The following ARMC3 variants were observed in gnomAD, a reference collection of about 807,000 sequenced individuals.
ARMC3 encodes armadillo repeat-containing protein 3.
ARMC3 carries 74 observed loss-of-function variants against 90.3 expected under a neutral mutation model. That is an observed-to-expected ratio of 0.82 (90% CI 0.68 to 0.99). The LOEUF (loss-of-function observed/expected upper bound fraction) is 0.99, where lower values mean the gene tolerates loss of function less well. ARMC3 is among the 50% of genes least tolerant of loss of function. The pLI, the probability that ARMC3 is intolerant of heterozygous loss-of-function variation, is 0.00. For missense variants in ARMC3, 958 were observed against 1,042.8 expected (o/e 0.92, Z 1.12); for synonymous variants, 334 against 361.8 (o/e 0.92, Z 0.87).
At chr10:23,023,901 A>T (rs889765726) in intron 16 of ARMC3, among the ~76,000 whole-genome samples, 3 of 152,154 alleles carry the variant, frequency 2.0e-5, no homozygotes, top group Non-Finnish European at 4.4e-5. Context: ...GCAGTTCCAG[A>T]AGGAGAGGAG....
rs551029070 is a variant in ARMC3 at position 22,992,692 on chromosome 10, G to A, written c.1176-5456G>A. Among the ~76,000 whole-genome samples, 34 of 152,296 alleles carry A rather than the reference G, an allele frequency of 2.2e-4. 1 individual carries two copies. In the South Asian group the frequency reaches 7.1e-3, roughly 32 times the overall value. On this transcript the variant is annotated intron_variant, in intron 10 of 18. Transcript: ENST00000298032. ...TGTAGCTGTGGGGCTGTGGCGGGATGATCCTTGTTCTGGACTCAGAAATTG... is the reference window on the plus strand; with the variant it reads ...TGTAGCTGTGGGGCTGTGGCGGGATAATCCTTGTTCTGGACTCAGAAATTG...
chr10:22,998,021 A>T, intron 10 of ARMC3, 127 bp from the exon 11 acceptor site: 1 of 1,181,594 alleles, frequency 8.5e-7, no homozygotes, highest in Non-Finnish European at 1.2e-6. Flanking sequence ...GGTTCATTGC[A>T]TGGCAAATTA....
Position 23,037,990 on chromosome 10 carries a change from A to T in ARMC3, c.*511A>T, listed in dbSNP as rs548167000. On this transcript the variant is annotated 3_prime_UTR_variant, in exon 19 of 19. Coordinates refer to ENST00000298032, the MANE Select transcript of ARMC3 (RefSeq NM_173081.5). ...TGAGTGTTACAAATTCCTTTCTAAA[A>T]ATTTTTGTTTCTATTTTTAAAAATT... is the stretch of plus-strand genomic sequence containing the variant. The T allele has an allele frequency of 4.6e-5, 7 of 152,396 alleles. No homozygotes were observed. The highest frequency in any genetic ancestry group is 1.7e-4 in the African/African-American group (7 of 41,578). The allele number at this position is 152,396 out of a possible 1,614,324, so 9.4% of individuals were successfully genotyped here.
chr10:22,973,748 TCTTTC>T (rs1405115456), intron 8 of ARMC3, among the ~76,000 whole-genome samples: 8 of 140,136 alleles, frequency 5.7e-5, no homozygotes, highest in African/African-American at 1.4e-4. Context: ...TTTTTCTTTG[TCTTTC>T]TTTTTTTTTT....
intron 16 of ARMC3, among the ~76,000 whole-genome samples, chr10:23,027,613 G>A (rs1234742356): frequency 1.3e-5 from 2 of 152,144 alleles, no homozygotes; most frequent in Non-Finnish European, 2.9e-5. Context: ...TGATGTATCT[G>A]AGAGTAGATT....
intron 10 of ARMC3, among the ~76,000 whole-genome samples, chr10:22,989,801 C>T (rs1222308510): frequency 6.6e-6 from 1 of 152,192 alleles, no homozygotes; most frequent in Admixed American, 6.6e-5. Flanking sequence ...AGATTCCTCC[C>T]TGTCTGATGG....
chr10:22,928,229 TGTTA>T (rs1388150249), intron 1 of ARMC3, 123 bp downstream of exon 1: 2 of 152,224 alleles, frequency 1.3e-5, no homozygotes, highest in Admixed American at 6.5e-5. Flanking sequence ...TGCTGGGCGT[TGTTA>T]GTTTCTGCCT....
intron 7 of ARMC3, 52 bp from the exon 8 acceptor site, chr10:22,968,254 A>T: frequency 6.6e-7 from 1 of 1,524,126 alleles, no homozygotes; most frequent in Non-Finnish European, 9.1e-7. Context: ...CAAATTTGGG[A>T]AGTGTACATT....
At chr10:22,937,781 G>A (rs979027919) in intron 2 of ARMC3, among the ~76,000 whole-genome samples, 1 of 152,040 alleles carries the variant, frequency 6.6e-6, no homozygotes, top group Non-Finnish European at 1.5e-5. Context: ...AAGTTTCCAG[G>A]GGCACTTTAA....
intron 16 of ARMC3, among the ~76,000 whole-genome samples, chr10:23,024,153 G>A (rs772340305): frequency 2.2e-4 from 33 of 152,100 alleles, no homozygotes; most frequent in Non-Finnish European, 4.1e-4. Flanking sequence ...TGAAACTATA[G>A]AAGCCAGGTG....
intron 7 of ARMC3, among the ~76,000 whole-genome samples, chr10:22,963,893 A>T (rs1311601614): frequency 8.5e-5 from 2 of 23,458 alleles, no homozygotes; most frequent in African/African-American, 3.8e-4. Flanking sequence ...TGTCTCACAC[A>T]CACACACACA....
intron 16 of ARMC3, among the ~76,000 whole-genome samples, chr10:23,011,066 C>T (rs541917634): frequency 4.1e-4 from 61 of 150,588 alleles, no homozygotes; most frequent in Non-Finnish European, 1.2e-4. Context: ...ATTCCTTGTC[C>T]TTTTCTTTGT....
chr10:23,029,277 A>G (rs1353540121), intron 16 of ARMC3, among the ~76,000 whole-genome samples: 1 of 152,158 alleles, frequency 6.6e-6, no homozygotes, highest in Non-Finnish European at 1.5e-5. Flanking sequence ...GGAATTATGG[A>G]ATTCAATAGA....
At chr10:23,007,058 T>TA in intron 14 of ARMC3, 77 bp downstream of exon 14, 1 of 1,211,166 alleles carries the variant, frequency 8.3e-7, no homozygotes, top group Non-Finnish European at 1.2e-6. Context: ...AACGTGTGAA[T>TA]ATGCAAAGAT....
rs9943398 is a variant in ARMC3 at position 23,019,852 on chromosome 10, G to A, written c.2046-10744G>A. Among the ~76,000 whole-genome samples the A allele has an allele frequency of 2.2e-3, 337 of 152,240 alleles. 3 individuals carry two copies. Among genetic ancestry groups the A allele is most frequent in the African/African-American group, 7.7e-3 (320 of 41,558 alleles). ...AAGCCATCACCATGCAGCCACGCCTGTTAGTCTTTTTGAGAATGCCACATG... is the reference window on the plus strand; with the variant it reads ...AAGCCATCACCATGCAGCCACGCCTATTAGTCTTTTTGAGAATGCCACATG... On this transcript the variant is annotated intron_variant, in intron 16 of 18. Transcript: ENST00000298032.
chr10:23,001,386 T>A (rs1837281374), intron 11 of ARMC3, among the ~76,000 whole-genome samples: 1 of 152,212 alleles, frequency 6.6e-6, no homozygotes, highest in Non-Finnish European at 1.5e-5. Flanking sequence ...CACTGCAACC[T>A]CTGCTTCCAT....
chr10:22,951,565 A>C (rs1834741100), intron 3 of ARMC3, among the ~76,000 whole-genome samples: 1 of 152,228 alleles, frequency 6.6e-6, no homozygotes, highest in Non-Finnish European at 1.5e-5. Context: ...ATAACACAAA[A>C]TGTATTTTCA....
intron 11 of ARMC3, among the ~76,000 whole-genome samples, chr10:22,998,860 A>G (rs1564382498): frequency 6.6e-6 from 1 of 152,252 alleles, no homozygotes; most frequent in African/African-American, 2.4e-5. Flanking sequence ...CATACTTATG[A>G]TTCCATTTAT....
At chr10:22,982,756 C>T (rs1057508727) in intron 10 of ARMC3, among the ~76,000 whole-genome samples, 4 of 152,116 alleles carry the variant, frequency 2.6e-5, no homozygotes, top group Non-Finnish European at 5.9e-5. Context: ...AGTTAGCTTT[C>T]ATTTATTATT....
Sources: allele counts gnomAD v4.1 joint callset (sites outside exome capture counted in the v4.1 genomes callset), GRCh38; gene constraint gnomAD v4.1.1; transcripts MANE v1.5; gene names NCBI Gene and HGNC (gene_info 2026-07-23, HGNC 2026-07-21).